The following CDH18 variants were observed in gnomAD, a reference collection of about 807,000 sequenced individuals.
CDH18 encodes the protein cadherin 18.
In CDH18, 31 loss-of-function variants were observed where a neutral mutation model predicts 67.9. The observed-to-expected ratio is 0.46, with a 90% CI of 0.34 to 0.62. The LOEUF is 0.62. Among genes scored for constraint, CDH18 ranks in the 20% least tolerant of loss-of-function variants. The pLI is 0.01. For synonymous variants in CDH18, 362 were observed against 347.2 expected (o/e 1.04, Z -0.48); for missense variants, 890 against 975.5 (o/e 0.91, Z 1.17).
In CDH18 at chr5:19,805,939, T is replaced by C. The variant is rs74653675; in HGVS notation, c.228+32820A>G. 3.2e-3 allele frequency among the ~76,000 whole-genome samples: 489 copies of C among 152,254 alleles called. 4 individuals are homozygous for C. The highest frequency in any genetic ancestry group is 0.011 in the African/African-American group (451 of 41,550). ...TTCCCAAACACTTATGGATAAACCATATAGCTATTTTCTTCTTCGAATCTT... is the reference window on the plus strand; with the variant it reads ...TTCCCAAACACTTATGGATAAACCACATAGCTATTTTCTTCTTCGAATCTT... On this transcript the variant is annotated intron_variant, in intron 3 of 12. Transcript: ENST00000382275.
At chr5:19,744,576 T>G (rs1769722607) in intron 4 of CDH18, among the ~76,000 whole-genome samples, 1 of 151,860 alleles carries the variant, frequency 6.6e-6, no homozygotes, top group Non-Finnish European at 1.5e-5. Context: ...ACATTTTTCC[T>G]CTCTGTTATT....
intron 1 of CDH18, among the ~76,000 whole-genome samples, chr5:20,361,777 A>G (rs965839680): frequency 2.0e-5 from 3 of 152,202 alleles, no homozygotes; most frequent in Middle Eastern, 3.4e-3. Context: ...ATCTAACAAC[A>G]TTTACACATT....
At chr5:20,415,587 C>T (rs992498630) in intron 1 of CDH18, among the ~76,000 whole-genome samples, 31 of 151,368 alleles carry the variant, frequency 2.0e-4, no homozygotes, top group Admixed American at 9.2e-4. Context: ...ACCTGGCTAA[C>T]ATGGTGAAAC....
chr5:19,823,129 C>T (rs898006933), intron 3 of CDH18, among the ~76,000 whole-genome samples: 1 of 152,196 alleles, frequency 6.6e-6, no homozygotes, highest in Admixed American at 6.5e-5. Flanking sequence ...CTGAACATTG[C>T]TGTTAACCTG....
intron 2 of CDH18, among the ~76,000 whole-genome samples, chr5:19,965,235 T>G (rs1797312014): frequency 6.6e-6 from 1 of 152,172 alleles, no homozygotes; most frequent in South Asian, 2.1e-4. Context: ...CCATAAGCTA[T>G]TTTATAAAAA....
At chr5:19,808,832 C>CAAAA (rs1173922790) in intron 3 of CDH18, among the ~76,000 whole-genome samples, 3 of 53,928 alleles carry the variant, frequency 5.6e-5, no homozygotes, top group Non-Finnish European at 9.7e-5. Flanking sequence ...AACTCTGTCT[C>CAAAA]AAAAAAAAAA....
At chr5:20,464,815 C>A (rs1751526928) in intron 1 of CDH18, among the ~76,000 whole-genome samples, 1 of 151,860 alleles carries the variant, frequency 6.6e-6, no homozygotes, top group South Asian at 2.1e-4. Flanking sequence ...TAAATAAAAC[C>A]CTGGGAAATA....
intron 8 of CDH18, among the ~76,000 whole-genome samples, chr5:19,551,525 T>C (rs967839725): frequency 6.6e-6 from 1 of 152,126 alleles, no homozygotes; most frequent in African/African-American, 2.4e-5. Context: ...TGGAGAACCA[T>C]TTACATAATA....
At chr5:20,265,028 G>T (rs1295364005) in intron 1 of CDH18, among the ~76,000 whole-genome samples, 1 of 152,078 alleles carries the variant, frequency 6.6e-6, no homozygotes, top group African/African-American at 2.4e-5. Context: ...ATAACCTGAA[G>T]ATATCTAAAT....
At chr5:20,463,797 A>G (rs903539074) in intron 1 of CDH18, among the ~76,000 whole-genome samples, 2 of 152,154 alleles carry the variant, frequency 1.3e-5, no homozygotes, top group African/African-American at 4.8e-5. Flanking sequence ...TTCTACTCAG[A>G]CTTCAAATTT....
chr5:19,618,217 T>A (rs1750144482), intron 5 of CDH18, among the ~76,000 whole-genome samples: 1 of 152,020 alleles, frequency 6.6e-6, no homozygotes, highest in Non-Finnish European at 1.5e-5. Flanking sequence ...CTTTCTTTTT[T>A]TTTTTTGAGA....
At chr5:20,430,806 T>C (rs920719326) in intron 1 of CDH18, among the ~76,000 whole-genome samples, 18 of 152,166 alleles carry the variant, frequency 1.2e-4, no homozygotes, top group African/African-American at 3.9e-4. Flanking sequence ...TTTAATTTAT[T>C]TTCTCCTTTC....
intron 10 of CDH18, among the ~76,000 whole-genome samples, chr5:19,503,592 A>G (rs1201697563): frequency 1.3e-5 from 2 of 152,108 alleles, no homozygotes; most frequent in African/African-American, 4.8e-5. Context: ...TAGTCCCTGT[A>G]TGTTACAGAC....
chr5:20,091,300 C>T (rs1745397244), intron 2 of CDH18, among the ~76,000 whole-genome samples: 2 of 151,712 alleles, frequency 1.3e-5, no homozygotes, highest in African/African-American at 2.4e-5. Context: ...GCTTGGGCAT[C>T]ATAACAAGAC....
chr5:19,585,193 T>C (rs1336573200), intron 7 of CDH18, among the ~76,000 whole-genome samples: 1 of 152,118 alleles, frequency 6.6e-6, no homozygotes, highest in Non-Finnish European at 1.5e-5. Context: ...CACATTAACA[T>C]ATATAATTTT....
At chr5:19,959,061 T>C (rs1325776004) in intron 2 of CDH18, among the ~76,000 whole-genome samples, 4 of 151,278 alleles carry the variant, frequency 2.6e-5, no homozygotes, top group Admixed American at 6.6e-5. Flanking sequence ...ATAGCAGTCA[T>C]GAAAGAGAAA....
intron 1 of CDH18, among the ~76,000 whole-genome samples, chr5:20,487,419 T>C (rs985306571): frequency 1.3e-5 from 2 of 150,008 alleles, no homozygotes; most frequent in Admixed American, 6.7e-5. Flanking sequence ...GATTTACTTT[T>C]AATCAGAGAA....
intron 10 of CDH18, among the ~76,000 whole-genome samples, chr5:19,506,049 G>C (rs965928357): frequency 6.6e-6 from 1 of 152,054 alleles, no homozygotes; most frequent in Non-Finnish European, 1.5e-5. Context: ...AGTCTTGGGA[G>C]GGTGTATGTG....
chr5:20,237,821 T>C (rs1418064979), intron 2 of CDH18, among the ~76,000 whole-genome samples: 1 of 151,840 alleles, frequency 6.6e-6, no homozygotes, highest in Admixed American at 6.6e-5. Flanking sequence ...AAAATTCACA[T>C]GAAAATTTGA....
Sources: gnomAD v4.1 joint callset for allele counts (sites outside exome capture counted in the v4.1 genomes callset) on GRCh38, gnomAD v4.1.1 for gene constraint, MANE v1.5 for transcripts, NCBI Gene and HGNC (gene_info 2026-07-23, HGNC 2026-07-21) for gene names.